ABHD5: variants seen among roughly 807,000 people sequenced by gnomAD.
The protein encoded by ABHD5 is 1-acylglycerol-3-phosphate O-acyltransferase ABHD5.
Under a neutral mutation model 44.9 loss-of-function variants are expected in ABHD5, and 30 were observed. The observed-to-expected ratio is 0.67, with a 90% confidence interval of 0.50 to 0.91. The LOEUF is 0.91. ABHD5 is among the 40% of genes least tolerant of loss of function. The pLI, the probability that ABHD5 is intolerant of heterozygous loss-of-function variation, is 0.00. For missense variants in ABHD5, 399 were observed against 423.4 expected (o/e 0.94, Z 0.50); for synonymous variants, 167 against 147.0 (o/e 1.14, Z -0.99).
At chr3:43,731,605 G>A (rs1201377467) in intron 7 of ABHD5, among the ~76,000 whole-genome samples, 2 of 152,166 alleles carry the variant, frequency 1.3e-5, no homozygotes, top group African/African-American at 4.8e-5. Context: ...GCCAAGGCAG[G>A]CGGATCACCT....
chr3:43,726,750 G>A (rs141369849), downstream of ABHD5, among the ~76,000 whole-genome samples: 41 of 152,328 alleles, frequency 2.7e-4, no homozygotes, highest in Admixed American at 2.4e-3. Context: ...GTGTGCCTGA[G>A]TCATCAAGGC....
Position 43,714,808 on chromosome 3 carries a change from C to T in ABHD5, c.662-139C>T, listed in dbSNP as rs1226173069. ...CAGAATGTGTGCTTTTTCCCACCTA[C>T]AATATATATTTGAATACATATATAT... On this transcript the variant is annotated intron_variant, in intron 4 of 6. Transcript: ENST00000644371. The T allele has an allele frequency of 4.1e-5, 24 of 591,050 alleles. No individual in the cohort carries two copies. The East Asian group carries it at 7.4e-4, about 18-fold the overall frequency. 36.6% of individuals were successfully genotyped at this position (591,050 alleles called of 1,614,324 possible). A position where few individuals can be genotyped will look rare whatever the true frequency, so the allele number is the denominator to read the frequency against.
At chr3:43,715,966 A>C (rs2084757383) in intron 5 of ABHD5, among the ~76,000 whole-genome samples, 1 of 152,176 alleles carries the variant, frequency 6.6e-6, no homozygotes, top group Non-Finnish European at 1.5e-5. Context: ...GCAGCTGCAG[A>C]GGGTGAGGAG....
In ABHD5 at chr3:43,728,541, G is replaced by A. The variant is rs77838259; in HGVS notation, c.*30-5339G>A. ...CACTCTCCAAAAAATGATAAAGGAGGAATTTGGAAATAATGAGATGACACC... is the reference window on the plus strand; with the variant it reads ...CACTCTCCAAAAAATGATAAAGGAGAAATTTGGAAATAATGAGATGACACC... On this transcript the variant is annotated intron_variant, in intron 7 of 7. Coordinates refer to the ABHD5 transcript ENST00000454293. Among the ~76,000 whole-genome samples, 334 of 152,264 alleles carry A rather than the reference G, an allele frequency of 2.2e-3. 1 individual carries two copies. Among genetic ancestry groups the A allele is most frequent in the Non-Finnish European group, 4.2e-3 (285 of 68,018 alleles).
intron 3 of ABHD5, among the ~76,000 whole-genome samples, chr3:43,706,722 A>G (rs1194595225): frequency 6.6e-6 from 1 of 152,206 alleles, no homozygotes; most frequent in Non-Finnish European, 1.5e-5. Flanking sequence ...TGCCGGGATT[A>G]CAGGCATGAG....
At chr3:43,724,903 A>G (rs2084867896), downstream of ABHD5, among the ~76,000 whole-genome samples, 1 of 152,224 alleles carries the variant, frequency 6.6e-6, no homozygotes, top group African/African-American at 2.4e-5. Flanking sequence ...ATGCTTTTGT[A>G]AATGTTGGAT....
chr3:43,729,612 T>C (rs1402310826), intron 7 of ABHD5, among the ~76,000 whole-genome samples: 1 of 152,158 alleles, frequency 6.6e-6, no homozygotes, highest in African/African-American at 2.4e-5. Flanking sequence ...TAGTGTAGGG[T>C]TGGCCTGCCA....
At chr3:43,691,085 C>A (rs201623005) in intron 1 of ABHD5, 46 bp downstream of exon 1, 16 of 1,503,398 alleles carry the variant, frequency 1.1e-5, no homozygotes, top group Non-Finnish European at 1.3e-5. Context: ...GGCGCGCACC[C>A]TCCGCGCGGG....
At chr3:43,700,422 G>A (rs997213425) in intron 2 of ABHD5, among the ~76,000 whole-genome samples, 2 of 152,070 alleles carry the variant, frequency 1.3e-5, no homozygotes, top group Non-Finnish European at 2.9e-5. Flanking sequence ...TCATATTCAT[G>A]TGTTATTTTT....
chr3:43,718,886 T>C lies in ABHD5; in HGVS notation c.*354T>C, dbSNP rs1247748784. ...TTTATATTGCAATCTATATTACCAA[T>C]TTAGGAAGTGATTTCTGAGTCTCTT... is the stretch of plus-strand genomic sequence containing the variant. On this transcript the variant is annotated 3_prime_UTR_variant, in exon 7 of 7. Coordinates refer to ENST00000644371, the MANE Select transcript of ABHD5 (RefSeq NM_016006.6). 2.0e-5 allele frequency: 5 copies of C among 245,240 alleles called. No homozygotes were observed. The highest frequency in any genetic ancestry group is 1.5e-4 in the Admixed American group (3 of 19,668). 15.2% of individuals were successfully genotyped at this position (245,240 alleles called of 1,614,324 possible).
chr3:43,728,038 T>C (rs1485343793), intron 7 of ABHD5, among the ~76,000 whole-genome samples: 2 of 152,202 alleles, frequency 1.3e-5, no homozygotes, highest in Non-Finnish European at 2.9e-5. Context: ...AGCCCTTCTC[T>C]CTTTGACTTT....
rs1342054663 is a variant in ABHD5, at chr3:43,717,856, T to C, written c.959T>C (p.Ile320Thr). ...SLRPHSYVKTIAILGAGHYVY... is the reference protein window; with the variant it reads ...SLRPHSYVKTTAILGAGHYVY... ...CGACCACATTCATATGTGAAGACAA[T>C]AGTAAGTGTGTGGCTTGATTTGGGT... The change falls in exon 6 of 7, where the codon ATA becomes ACA. Residue 320 changes from isoleucine (I) to threonine (T), a missense_variant and splice_region_variant. Physicochemically the swap from Ile to Thr is moderately conservative, Grantham distance 89 (BLOSUM62 -1). Coordinates refer to ENST00000644371, the MANE Select transcript of ABHD5 (RefSeq NM_016006.6). The C allele has an allele frequency of 5.6e-6, 9 of 1,614,104 alleles. No individual in the cohort carries two copies. In the South Asian group the frequency reaches 9.9e-5, roughly 18 times the overall value.
chr3:43,728,566 C>T (rs1464834994), intron 7 of ABHD5, among the ~76,000 whole-genome samples: 1 of 152,084 alleles, frequency 6.6e-6, no homozygotes, highest in African/African-American at 2.4e-5. Context: ...GAGATGACAC[C>T]AATCAGGGCT....
chr3:43,698,035 A>G (rs1216878986), intron 1 of ABHD5, among the ~76,000 whole-genome samples: 1 of 152,254 alleles, frequency 6.6e-6, no homozygotes, highest in Non-Finnish European at 1.5e-5. Flanking sequence ...TAATATCCAG[A>G]TAAATTCTAC....
intron 7 of ABHD5, among the ~76,000 whole-genome samples, chr3:43,729,509 G>A (rs748330947): frequency 3.3e-5 from 5 of 152,170 alleles, no homozygotes; most frequent in African/African-American, 4.8e-5. Context: ...TAAGTGACTT[G>A]CCCAGGATCA....
At chr3:43,714,893 T>G (rs2084741446) in intron 4 of ABHD5, 54 bp from the exon 5 acceptor site, 1 of 1,274,058 alleles carries the variant, frequency 7.8e-7, no homozygotes, top group Admixed American at 1.7e-5. Flanking sequence ...ATTATTTAGT[T>G]GATAAGTTAA....
At chr3:43,729,507 T>C (rs781452479) in intron 7 of ABHD5, among the ~76,000 whole-genome samples, 1 of 152,226 alleles carries the variant, frequency 6.6e-6, no homozygotes, top group Non-Finnish European at 1.5e-5. Flanking sequence ...GTTAAGTGAC[T>C]TGCCCAGGAT....
chr3:43,703,169 C>T (rs1430297583), intron 3 of ABHD5, among the ~76,000 whole-genome samples: 1 of 131,210 alleles, frequency 7.6e-6, no homozygotes, highest in Admixed American at 9.1e-5. Context: ...CTAGCATCAT[C>T]TCCTTTCTTT....
intron 3 of ABHD5, among the ~76,000 whole-genome samples, chr3:43,709,052 G>C (rs911364748): frequency 6.6e-6 from 1 of 152,180 alleles, no homozygotes; most frequent in African/African-American, 2.4e-5. Context: ...TGGGGGACCA[G>C]AAAAATCCAG....
Sources: gnomAD v4.1 joint callset for allele counts (sites outside exome capture counted in the v4.1 genomes callset) on GRCh38, gnomAD v4.1.1 for gene constraint, MANE v1.5 for transcripts, NCBI Gene and HGNC (gene_info 2026-07-23, HGNC 2026-07-21) for gene names.